The following TMEM225 variants were observed in gnomAD, a reference collection of about 807,000 sequenced individuals.
The protein encoded by TMEM225 is PMP22 claudin domain-containing protein.
TMEM225 carries 10 observed loss-of-function variants against 17.6 expected under a neutral mutation model. That is an observed-to-expected ratio of 0.57 (90% CI 0.35 to 0.96). The LOEUF is 0.96. TMEM225 is among the 40% of genes least tolerant of loss of function. TMEM225 has a pLI of 0.02. For synonymous variants in TMEM225, 101 were observed against 94.5 expected, an observed-to-expected ratio of 1.07 and a Z score of -0.40; for missense variants, 245 against 271.5, an observed-to-expected ratio of 0.90 and a Z score of 0.69.
intron 2 of TMEM225, 110 bp from the exon 3 acceptor site, chr11:123,884,319 A>G: frequency 7.2e-7 from 1 of 1,398,266 alleles, no homozygotes; most frequent in South Asian, 1.5e-5. Context: ...TGACTTCCCA[A>G]CCCCCACCCG....
chr11:123,885,208 C>T, intron 1 of TMEM225, 37 bp downstream of exon 1: 1 of 1,591,306 alleles, frequency 6.3e-7, no homozygotes, highest in Non-Finnish European at 8.6e-7. Context: ...ACACACCCTT[C>T]CTTTCCACCC....
chr11:123,884,236 A>C (rs780551283), intron 2 of TMEM225, 27 bp from the exon 3 acceptor site: 1 of 1,555,282 alleles, frequency 6.4e-7, no homozygotes, highest in Admixed American at 2.2e-5. Flanking sequence ...AAAAAAAAAA[A>C]AAAAAGAAAA....
At chr11:123,885,180 A>G in intron 1 of TMEM225, 65 bp downstream of exon 1, 1 of 1,473,122 alleles carries the variant, frequency 6.8e-7, no homozygotes, top group Non-Finnish European at 9.3e-7. Flanking sequence ...ATGCAAGTTA[A>G]GGAAAGCCAA....
At position 123,885,225 on chromosome 11, in the gene TMEM225, T is replaced by TTA. The variant is rs1202651974; in HGVS notation, c.181+19_181+20insTA. On this transcript the variant is annotated intron_variant, in intron 1 of 3. Coordinates refer to ENST00000375026, the MANE Select transcript of TMEM225 (RefSeq NM_001013743.3). Reference sequence around the variant, plus strand: ...ACACCCTTCCTTTCCACCCGTCTCTTTCTAGAGTACAGTTCTGACCTTCTG... The same window carrying TTA: ...ACACCCTTCCTTTCCACCCGTCTCTTTATCTAGAGTACAGTTCTGACCTTCTG... 6.2e-7 allele frequency: 1 copy of TTA among 1,606,988 alleles called. No individual in the cohort carries two copies. The highest frequency in any genetic ancestry group is 8.5e-7 in the Non-Finnish European group (1 of 1,176,736).
At position 123,884,540 on chromosome 11, in the gene TMEM225, G is replaced by A. The variant is rs749784021; in HGVS notation, c.278C>T (p.Pro93Leu). The A allele has an allele frequency of 4.3e-6, 7 of 1,613,048 alleles. No individual in the cohort carries two copies. Among genetic ancestry groups the A allele is most frequent in the Non-Finnish European group, 5.9e-6 (7 of 1,179,560 alleles). The part of the protein sequence containing the change: ...ILGMKFTYLI[P>L]QNKYIQLFTT... ...GAAGAGTTGTATATATTTATTTTGA[G>A]GAATCAGATAGGTGAATTTCATACC... The change falls in exon 2 of 4, where the codon CCT becomes CTT. Residue 93 changes from proline to leucine, a missense_variant. Coordinates refer to ENST00000375026, the MANE Select transcript of TMEM225 (RefSeq NM_001013743.3).
In TMEM225 at chr11:123,884,582, A is replaced by G; in HGVS notation, c.236T>C (p.Leu79Pro). ...TTTCATACCCAGGATTAAGTTAAGG[A>G]GGAAGGAAAGGCCAAGGCTCGACGT... ...MMTSSLGLSF[L>P]LNLILGMKFT... The change falls in exon 2 of 4, where the codon CTC (leucine) becomes CCC (proline). Residue 79 changes from leucine to proline, a missense_variant. Leu to Pro is a moderately conservative substitution (Grantham distance 98). Coordinates refer to ENST00000375026, the MANE Select transcript of TMEM225 (RefSeq NM_001013743.3). 6.2e-7 allele frequency: 1 copy of G among 1,613,408 alleles called. No individual in the cohort carries two copies. The highest frequency in any genetic ancestry group is 1.3e-5 in the African/African-American group (1 of 74,978).
rs770001601 is a variant in TMEM225, at chr11:123,883,099, A to G, written c.*39T>C. The G allele has an allele frequency of 2.5e-5, 39 of 1,554,628 alleles. No homozygotes were observed. The highest frequency in any genetic ancestry group is 3.4e-5 in the Non-Finnish European group (38 of 1,128,016). ...AGCACACACCCACAAAGCTTTTTCCATAAAGATGAGCATATACTGCAAGAA... is the reference window on the plus strand; with the variant it reads ...AGCACACACCCACAAAGCTTTTTCCGTAAAGATGAGCATATACTGCAAGAA... On this transcript the variant is annotated 3_prime_UTR_variant, in exon 4 of 4. Transcript: ENST00000375026.
Position 123,885,341 on chromosome 11 carries a change from T to G in TMEM225, c.85A>C (p.Thr29Pro). 2 of 1,613,630 alleles carry G rather than the reference T, an allele frequency of 1.2e-6. No individual in the cohort carries two copies. Among genetic ancestry groups the G allele is most frequent in the Non-Finnish European group, 1.7e-6 (2 of 1,179,720 alleles). ...ATCAATTCAACCCATTTATCTAAGGTGATTCCCATCACCATTAAGACTACG... is the reference window on the plus strand; with the variant it reads ...ATCAATTCAACCCATTTATCTAAGGGGATTCCCATCACCATTAAGACTACG... The part of the protein sequence containing the change: ...WAVVLMVMGI[T>P]LDKWVELISE... The change falls in exon 1 of 4, where the codon ACC becomes CCC. Residue 29 changes from threonine to proline, a missense_variant. Transcript: ENST00000375026.
intron 2 of TMEM225, 30 bp from the exon 3 acceptor site, chr11:123,884,239 A>G (rs948702065): frequency 8.4e-6 from 13 of 1,551,234 alleles, no homozygotes; most frequent in Middle Eastern, 1.9e-4. Context: ...AAAAAAAAAA[A>G]AAGAAAAAGA....
chr11:123,884,826 A>C (rs1012359295), intron 1 of TMEM225, among the ~76,000 whole-genome samples, 190 bp from the exon 2 acceptor site: 20 of 152,186 alleles, frequency 1.3e-4, no homozygotes, highest in African/African-American at 4.3e-4. Context: ...CATTTTCTCT[A>C]TCCTGATGTC....
chr11:123,884,673 A>G (rs2137478192), intron 1 of TMEM225, 37 bp from the exon 2 acceptor site: 1 of 1,589,806 alleles, frequency 6.3e-7, no homozygotes, highest in Non-Finnish European at 8.6e-7. Context: ...GAGGACAGAT[A>G]TTTCTTCTAG....
chr11:123,884,186 T>C lies in TMEM225; in HGVS notation c.352A>G (p.Ile118Val). Residue 118 changes from isoleucine to valine, a missense_variant, in exon 3 of 4, where the codon ATA becomes GTA. Transcript: ENST00000375026. Reference protein sequence around the residue: ...FSGISLLWALILYHNKLKQGQ... With the variant: ...FSGISLLWALVLYHNKLKQGQ... ...TGCTTCAGCTTATTGTGATATAGTA[T>C]GAGTGCCCAGAGCAGAGAGATACCT... 1 of 1,589,088 alleles carries C rather than the reference T, an allele frequency of 6.3e-7. No individual in the cohort carries two copies. The highest frequency in any genetic ancestry group is 8.5e-7 in the Non-Finnish European group (1 of 1,175,444).
rs61366176 is a variant in TMEM225, at chr11:123,884,222, CAAAAA to C, written c.329-18_329-14del. On this transcript the variant is annotated splice_polypyrimidine_tract_variant and intron_variant, in intron 2 of 3. Coordinates refer to ENST00000375026, the MANE Select transcript of TMEM225 (RefSeq NM_001013743.3). ...AGCAGAGAGATACCTGATGTCCAGA[CAAAAA>C]AAAAAAAAAAAAAAGAAAAAGAAAA... 1.5e-3 allele frequency: 1,876 copies of C among 1,226,700 alleles called. No individual in the cohort carries two copies. The highest frequency in any genetic ancestry group is 3.0e-3 in the South Asian group (147 of 48,934). 76.0% of individuals were successfully genotyped at this position (1,226,700 alleles called of 1,614,324 possible).
intron 2 of TMEM225, 91 bp downstream of exon 2, chr11:123,884,399 A>C: frequency 2.5e-6 from 2 of 795,934 alleles, no homozygotes; most frequent in African/African-American, 3.8e-5. Context: ...CAGAAGCTAC[A>C]TATATATATA....
Position 123,885,607 on chromosome 11 carries a change from C to T in TMEM225, c.-182G>A, listed in dbSNP as rs181979523. 664 of 607,718 alleles carry T rather than the reference C, an allele frequency of 1.1e-3. 4 individuals are homozygous for T. Among genetic ancestry groups the T allele is most frequent in the African/African-American group, 0.011 (579 of 53,724 alleles). The allele number at this position is 607,718 out of a possible 1,614,324, so 37.6% of individuals were successfully genotyped here. Reference sequence around the variant, plus strand: ...GATAACTCTCACCCTTCCTCACTTCCGTTATCTATCAGGGCCAGCCTGCTG... The same window carrying T: ...GATAACTCTCACCCTTCCTCACTTCTGTTATCTATCAGGGCCAGCCTGCTG... On this transcript the variant is annotated 5_prime_UTR_variant, in exon 1 of 4. Coordinates refer to ENST00000375026, the MANE Select transcript of TMEM225 (RefSeq NM_001013743.3).
At chr11:123,883,417 C>A in intron 3 of TMEM225, 65 bp from the exon 4 acceptor site, 1 of 1,314,918 alleles carries the variant, frequency 7.6e-7, no homozygotes, top group Non-Finnish European at 1.1e-6. Flanking sequence ...CAATTCTCTC[C>A]AATTTGGCTG....
chr11:123,885,229 A>T lies in TMEM225; in HGVS notation c.181+16T>A, dbSNP rs1863024171. ...CCTTCCTTTCCACCCGTCTCTTTCT[A>T]GAGTACAGTTCTGACCTTCTGGCCA... On this transcript the variant is annotated intron_variant, in intron 1 of 3. Transcript: ENST00000375026. The T allele has an allele frequency of 6.2e-7, 1 of 1,607,844 alleles. No homozygotes were observed. The highest frequency in any genetic ancestry group is 1.3e-5 in the African/African-American group (1 of 74,642).
chr11:123,884,234 A>G (rs768258416), intron 2 of TMEM225, 25 bp from the exon 3 acceptor site: 4 of 1,557,556 alleles, frequency 2.6e-6, no homozygotes, highest in Non-Finnish European at 3.4e-6. Context: ...AAAAAAAAAA[A>G]AAAAAAAGAA....
rs778750727 is a variant in TMEM225 at position 123,884,209 on chromosome 11, C to A, written c.329G>T (p.Gly110Val). ...TATGAGTGCCCAGAGCAGAGAGATACCTGATGTCCAGACAAAAAAAAAAAA... is the reference window on the plus strand; with the variant it reads ...TATGAGTGCCCAGAGCAGAGAGATAACTGATGTCCAGACAAAAAAAAAAAA... ...LFTTILSFFSGISLLWALILY... is the reference protein window; with the variant it reads ...LFTTILSFFSVISLLWALILY... Residue 110 changes from glycine to valine, a missense_variant and splice_region_variant, in exon 3 of 4, where the codon GGT becomes GTT. Transcript: ENST00000375026. 3.4e-6 allele frequency: 5 copies of A among 1,481,712 alleles called. No homozygotes were observed. The highest frequency in any genetic ancestry group is 4.5e-6 in the Non-Finnish European group (5 of 1,111,340). The allele number at this position is 1,481,712 out of a possible 1,614,324, so 91.8% of individuals were successfully genotyped here. A position where few individuals can be genotyped will look rare whatever the true frequency, so the allele number is the denominator to read the frequency against.
Sources: allele counts gnomAD v4.1 joint callset (sites outside exome capture counted in the v4.1 genomes callset), GRCh38; gene constraint gnomAD v4.1.1; transcripts MANE v1.5; gene names NCBI Gene and HGNC (gene_info 2026-07-23, HGNC 2026-07-21).